Variants in FCHSD2 observed in about 807,000 individuals in gnomAD.
The protein encoded by FCHSD2 is FCH and double SH3 domains 2, also known as F-BAR and double SH3 domains protein 2.
Under a neutral mutation model 108.1 loss-of-function variants are expected in FCHSD2, and 38 were observed. The ratio of observed to expected loss-of-function variants is 0.35; its 90% CI spans 0.27 to 0.46. The LOEUF (loss-of-function observed/expected upper bound fraction) is 0.46, where lower values mean the gene tolerates loss of function less well. Among genes scored for constraint, FCHSD2 ranks in the 20% least tolerant of loss-of-function variants. FCHSD2 has a pLI of 1.00. For synonymous variants in FCHSD2, 279 were observed against 314.7 expected (o/e 0.89, Z 1.20); for missense variants, 751 against 897.8 (o/e 0.84, Z 2.09).
intron 8 of FCHSD2, among the ~76,000 whole-genome samples, chr11:72,924,650 T>C (rs1856041027): frequency 6.6e-6 from 1 of 151,986 alleles, no homozygotes; most frequent in South Asian, 2.1e-4. Flanking sequence ...AGTCTTCCAT[T>C]GTATCTTATG....
chr11:72,880,199 A>C (rs936960437), intron 12 of FCHSD2, among the ~76,000 whole-genome samples: 2 of 152,158 alleles, frequency 1.3e-5, no homozygotes, highest in African/African-American at 4.8e-5. Context: ...AAGAAATTGA[A>C]GAGGACAAAA....
chr11:72,944,582 T>C (rs1565335233), intron 8 of FCHSD2, among the ~76,000 whole-genome samples: 2 of 152,130 alleles, frequency 1.3e-5, no homozygotes, highest in African/African-American at 4.8e-5. Context: ...ATAAAGAGTA[T>C]TTAATTAGGA....
intron 5 of FCHSD2, among the ~76,000 whole-genome samples, chr11:72,992,505 C>A (rs541576359): frequency 5.3e-5 from 8 of 152,328 alleles, no homozygotes; most frequent in Non-Finnish European, 1.5e-5. Context: ...TGACTTCAAA[C>A]TATACTACAA....
intron 3 of FCHSD2, among the ~76,000 whole-genome samples, chr11:73,072,378 T>C (rs1161538799): frequency 6.6e-6 from 1 of 152,032 alleles, no homozygotes; most frequent in East Asian, 1.9e-4. Flanking sequence ...ATAGCCACCA[T>C]TTCTTTAATG....
chr11:72,859,598 G>A (rs1861517598), intron 13 of FCHSD2, among the ~76,000 whole-genome samples: 1 of 152,150 alleles, frequency 6.6e-6, no homozygotes, highest in South Asian at 2.1e-4. Context: ...TACTATCTGT[G>A]ACTTCAGGCA....
intron 8 of FCHSD2, among the ~76,000 whole-genome samples, chr11:72,977,255 C>A (rs1191075032): frequency 4.6e-5 from 7 of 152,134 alleles, no homozygotes; most frequent in Admixed American, 2.6e-4. Context: ...GGGGGAAATT[C>A]TCTAAGACAC....
At chr11:72,910,734 A>G (rs985483885) in intron 9 of FCHSD2, among the ~76,000 whole-genome samples, 12 of 151,316 alleles carry the variant, frequency 7.9e-5, no homozygotes, top group African/African-American at 2.9e-4. Flanking sequence ...ACCTTTGTTC[A>G]CGTGTTTATC....
intron 3 of FCHSD2, among the ~76,000 whole-genome samples, chr11:73,077,458 G>A (rs1336425284): frequency 6.6e-6 from 1 of 152,040 alleles, no homozygotes; most frequent in East Asian, 1.9e-4. Context: ...CACAGCTGGT[G>A]GGAACAATCT....
intron 10 of FCHSD2, among the ~76,000 whole-genome samples, chr11:72,893,735 G>GAA (rs1855365194): frequency 6.7e-6 from 1 of 150,340 alleles, no homozygotes; most frequent in African/African-American, 2.4e-5. Context: ...GCTACAGAGG[G>GAA]AGACTCTGTC....
rs1861209025 is a variant in FCHSD2, at chr11:73,139,954, GTT to G, written c.119+75_119+76del. ...AATCCAAAAGGAAATTCCATCATCAGTTCCTGGGGCTTGGTAACTCAAAGGTT... is the reference window on the plus strand; with the variant it reads ...AATCCAAAAGGAAATTCCATCATCAGCCTGGGGCTTGGTAACTCAAAGGTT... On this transcript the variant is annotated intron_variant, in intron 2 of 19. Transcript: ENST00000409418. 3.9e-6 allele frequency: 3 copies of G among 765,600 alleles called. No homozygotes were observed. The African/African-American group carries it at 5.4e-5, about 14-fold the overall frequency. 47.4% of individuals were successfully genotyped at this position (765,600 alleles called of 1,614,324 possible).
At chr11:73,002,543 T>C (rs1445025393) in intron 4 of FCHSD2, among the ~76,000 whole-genome samples, 5 of 152,156 alleles carry the variant, frequency 3.3e-5, no homozygotes, top group Non-Finnish European at 7.3e-5. Context: ...AGAGAAAAAT[T>C]CAGTACTATG....
At chr11:72,874,882 T>G (rs984701545) in intron 12 of FCHSD2, among the ~76,000 whole-genome samples, 1 of 152,256 alleles carries the variant, frequency 6.6e-6, no homozygotes, top group Admixed American at 6.5e-5. Flanking sequence ...TATAGCTCTC[T>G]GTAAACTTGA....
intron 2 of FCHSD2, among the ~76,000 whole-genome samples, chr11:73,138,992 T>G (rs182272751): frequency 6.6e-6 from 1 of 152,306 alleles, no homozygotes; most frequent in East Asian, 1.9e-4. Context: ...ATTGTAATTT[T>G]CAGTCAGAAA....
chr11:73,100,876 T>TC (rs202112144), intron 2 of FCHSD2, among the ~76,000 whole-genome samples: 5 of 151,764 alleles, frequency 3.3e-5, no homozygotes, highest in Admixed American at 3.3e-4. Context: ...TTTTTTTTTT[T>TC]CCTTAATGCT....
intron 4 of FCHSD2, among the ~76,000 whole-genome samples, chr11:73,011,504 G>A (rs944680822): frequency 6.6e-6 from 1 of 152,230 alleles, no homozygotes; most frequent in African/African-American, 2.4e-5. Context: ...CACTTCTCTT[G>A]TGGTTTAGCC....
At chr11:73,138,453 G>T (rs1415829099) in intron 2 of FCHSD2, among the ~76,000 whole-genome samples, 1 of 151,962 alleles carries the variant, frequency 6.6e-6, no homozygotes, top group Non-Finnish European at 1.5e-5. Context: ...TACCCCACAC[G>T]GGATCTTCAC....
At chr11:72,960,523 G>A (rs930878725) in intron 8 of FCHSD2, among the ~76,000 whole-genome samples, 2 of 152,216 alleles carry the variant, frequency 1.3e-5, no homozygotes, top group African/African-American at 4.8e-5. Flanking sequence ...GACAGTGACT[G>A]ATAATGGATT....
intron 3 of FCHSD2, among the ~76,000 whole-genome samples, chr11:73,059,974 G>T (rs1387571998): frequency 6.6e-6 from 1 of 152,140 alleles, no homozygotes; most frequent in Non-Finnish European, 1.5e-5. Flanking sequence ...ACATTCTCAG[G>T]TATTCCTGTT....
intron 9 of FCHSD2, among the ~76,000 whole-genome samples, chr11:72,914,547 C>G (rs565324719): frequency 1.3e-5 from 2 of 152,206 alleles, no homozygotes; most frequent in Admixed American, 6.5e-5. Context: ...ACACATAGAC[C>G]AATGAAACAG....
Sources: gnomAD v4.1 joint callset for allele counts (sites outside exome capture counted in the v4.1 genomes callset) on GRCh38, gnomAD v4.1.1 for gene constraint, MANE v1.5 for transcripts, NCBI Gene and HGNC (gene_info 2026-07-23, HGNC 2026-07-21) for gene names.